Variants in TMEFF2 observed in about 807,000 individuals in gnomAD.
The protein encoded by TMEFF2 is tomoregulin-2.
Under a neutral mutation model 53.8 loss-of-function variants are expected in TMEFF2, and 28 were observed. The observed-to-expected ratio is 0.52, with a 90% CI of 0.39 to 0.71. The LOEUF (loss-of-function observed/expected upper bound fraction) is 0.71. Among genes scored for constraint, TMEFF2 ranks in the 30% least tolerant of loss-of-function variants. The pLI, the probability that TMEFF2 is intolerant of heterozygous loss-of-function variation, is 0.00. For synonymous variants in TMEFF2, 162 were observed against 166.3 expected (o/e 0.97, Z 0.20); for missense variants, 353 against 455.2 (o/e 0.78, Z 2.04).
chr2:192,082,720 C>T (rs540845799), intron 4 of TMEFF2, among the ~76,000 whole-genome samples: 208 of 152,218 alleles, frequency 1.4e-3, no homozygotes, highest in African/African-American at 4.1e-3. Flanking sequence ...GAATTAGATT[C>T]GGAACCTCTT....
intron 7 of TMEFF2, among the ~76,000 whole-genome samples, chr2:191,969,367 A>T (rs1692566094): frequency 6.6e-6 from 1 of 152,134 alleles, no homozygotes. Flanking sequence ...ATGTCCATAA[A>T]GGTACAATCA....
At chr2:192,081,741 T>G (rs542239248) in intron 4 of TMEFF2, among the ~76,000 whole-genome samples, 26 of 151,794 alleles carry the variant, frequency 1.7e-4, no homozygotes, top group Admixed American at 5.3e-4. Context: ...ATCTTTAAAA[T>G]CATACTTTTA....
chr2:192,080,184 G>A (rs1688519948), intron 4 of TMEFF2, among the ~76,000 whole-genome samples: 1 of 152,142 alleles, frequency 6.6e-6, no homozygotes, highest in Non-Finnish European at 1.5e-5. Context: ...ACATTTCTTG[G>A]ACACTGATAT....
intron 7 of TMEFF2, among the ~76,000 whole-genome samples, chr2:191,994,494 T>C (rs931374629): frequency 6.6e-6 from 1 of 151,036 alleles, no homozygotes; most frequent in African/African-American, 2.4e-5. Context: ...TCAGAAAATA[T>C]ACATATATAT....
chr2:192,103,128 C>T (rs2105946556), intron 4 of TMEFF2, among the ~76,000 whole-genome samples: 1 of 152,234 alleles, frequency 6.6e-6, no homozygotes, highest in African/African-American at 2.4e-5. Flanking sequence ...ACTCACTGTC[C>T]TATAACTCAG....
intron 3 of TMEFF2, 114 bp from the exon 4 acceptor site, chr2:192,179,808 AT>A: frequency 3.5e-6 from 3 of 865,604 alleles, no homozygotes; most frequent in Non-Finnish European, 4.9e-6. Context: ...TTTGAGAAAA[AT>A]ACTAATATTT....
Position 191,950,271 on chromosome 2 carries a change from C to G in TMEFF2, c.*40G>C, listed in dbSNP as rs1049527636. The G allele has an allele frequency of 1.9e-6, 3 of 1,610,462 alleles. No individual in the cohort carries two copies. The highest frequency in any genetic ancestry group is 3.3e-5 in the Admixed American group (2 of 59,834). ...GTCTATAATACTGTATTGTGTAGTC[C>G]AAGCTCTCGGTAGTCCAGCCACTGT... is the stretch of plus-strand genomic sequence containing the variant. On this transcript the variant is annotated 3_prime_UTR_variant, in exon 10 of 10. Coordinates refer to ENST00000272771, the MANE Select transcript of TMEFF2 (RefSeq NM_016192.4).
At position 192,069,692 on chromosome 2, in the gene TMEFF2, T is replaced by G. The variant is rs150055111; in HGVS notation, c.440-11917A>C. Among the ~76,000 whole-genome samples, 596 of 151,756 alleles carry G rather than the reference T, an allele frequency of 3.9e-3. 5 individuals carry two copies. Among genetic ancestry groups the G allele is most frequent in the Non-Finnish European group, 7.1e-3 (480 of 67,806 alleles). ...GAAAAGACATCTAGTTTTAAAAAAA[T>G]TGCATGAGTTTTAGAGAAAATTTTA... On this transcript the variant is annotated intron_variant, in intron 4 of 9. Coordinates refer to ENST00000272771, the MANE Select transcript of TMEFF2 (RefSeq NM_016192.4).
intron 5 of TMEFF2, chr2:192,035,398 T>A (rs1243746193): frequency 2.0e-5 from 3 of 152,224 alleles, no homozygotes; most frequent in Admixed American, 6.5e-5. Context: ...CTATGTCCAC[T>A]GTTTTGGAGG....
intron 7 of TMEFF2, among the ~76,000 whole-genome samples, chr2:191,989,385 C>T (rs937882783): frequency 2.6e-5 from 4 of 152,076 alleles, no homozygotes; most frequent in Non-Finnish European, 5.9e-5. Flanking sequence ...TAGCCAAGGA[C>T]ACTTATTTAT....
At chr2:191,964,410 T>TTCTTTCTTTCTTTCTTTC (rs1692407352) in intron 7 of TMEFF2, among the ~76,000 whole-genome samples, 1 of 112,084 alleles carries the variant, frequency 8.9e-6, no homozygotes, top group Non-Finnish European at 1.7e-5. Context: ...CTTTCTTTCT[T>TTCTTTCTTTCTTTCTTTC]TCTTTCTTTC....
At chr2:192,013,247 C>T (rs1247182018) in intron 5 of TMEFF2, among the ~76,000 whole-genome samples, 1 of 152,140 alleles carries the variant, frequency 6.6e-6, no homozygotes, top group Non-Finnish European at 1.5e-5. Context: ...ACACTCTTTC[C>T]GTGCTCCAAC....
rs562763066 is a variant in TMEFF2, at chr2:192,147,806, C to T, written c.439+31862G>A. ...TATTGGATGGCTATGATTTTTCATG[C>T]AGCATGCAGTTTGCTTTTTTTCCCC... On this transcript the variant is annotated intron_variant, in intron 4 of 9. Transcript: ENST00000272771. Among the ~76,000 whole-genome samples, 5 of 152,104 alleles carry T rather than the reference C, an allele frequency of 3.3e-5. No individual in the cohort carries two copies. In the South Asian group the frequency reaches 1.0e-3, roughly 32 times the overall value.
chr2:191,959,599 TAAATC>T (rs1440856781), intron 7 of TMEFF2, among the ~76,000 whole-genome samples: 4 of 130,254 alleles, frequency 3.1e-5, no homozygotes, highest in East Asian at 2.3e-4. Context: ...AGTTCAGACT[TAAATC>T]AATACAGTCC....
At chr2:192,032,787 C>T (rs1421537942) in intron 5 of TMEFF2, 1 of 152,180 alleles carries the variant, frequency 6.6e-6, no homozygotes, top group Non-Finnish European at 1.5e-5. Context: ...CTCCCCGTTT[C>T]CTCATCAGCA....
chr2:192,193,745 GAGAGAGATAGATAGAT>G lies in TMEFF2; in HGVS notation c.172+592_172+607del, dbSNP rs1323080556. On this transcript the variant is annotated intron_variant, in intron 1 of 9. Transcript: ENST00000272771. ...CTAGGAGAGAAGGGAATGAGAGAGAGAGAGAGATAGATAGATAGAGAGAGAGAGAGAGAGAGAGAGA... is the reference window on the plus strand; with the variant it reads ...CTAGGAGAGAAGGGAATGAGAGAGAGAGAGAGAGAGAGAGAGAGAGAGAGA... Among the ~76,000 whole-genome samples, 60 of 32,964 alleles carry G rather than the reference GAGAGAGATAGATAGAT, an allele frequency of 1.8e-3. 1 individual carries two copies. Among genetic ancestry groups the G allele is most frequent in the Admixed American group, 3.3e-3 (8 of 2,458 alleles). The allele number at this position is 32,964 out of a possible 152,430, so 21.6% of individuals were successfully genotyped here.
At chr2:192,159,974 G>A (rs1690594880) in intron 4 of TMEFF2, among the ~76,000 whole-genome samples, 1 of 152,166 alleles carries the variant, frequency 6.6e-6, no homozygotes, top group Admixed American at 6.6e-5. Flanking sequence ...TAATTACTGG[G>A]TTACCATTTC....
intron 7 of TMEFF2, among the ~76,000 whole-genome samples, chr2:191,983,152 G>C (rs1435074684): frequency 2.6e-5 from 4 of 152,110 alleles, no homozygotes; most frequent in African/African-American, 7.2e-5. Flanking sequence ...AATAGACAAT[G>C]GTAGATCAGG....
chr2:192,143,283 T>G (rs1690178960), intron 4 of TMEFF2, among the ~76,000 whole-genome samples: 1 of 152,130 alleles, frequency 6.6e-6, no homozygotes, highest in African/African-American at 2.4e-5. Flanking sequence ...AACTGGGCAT[T>G]TGAAAGCTGC....
Sources: allele counts gnomAD v4.1 joint callset (sites outside exome capture counted in the v4.1 genomes callset), GRCh38; gene constraint gnomAD v4.1.1; transcripts MANE v1.5; gene names NCBI Gene and HGNC (gene_info 2026-07-23, HGNC 2026-07-21).